TRIM7: variants seen among roughly 807,000 people sequenced by gnomAD.
TRIM7 encodes the protein tripartite motif containing 7, also known as E3 ubiquitin-protein ligase TRIM7.
In TRIM7, 32 loss-of-function variants were observed where a neutral mutation model predicts 37.9. The ratio of observed to expected loss-of-function variants is 0.84; its 90% confidence interval spans 0.64 to 1.13. The LOEUF (loss-of-function observed/expected upper bound fraction) is 1.13. Among genes scored for constraint, TRIM7 ranks in the 50% most tolerant of loss-of-function variants. The probability of loss-of-function intolerance (pLI) is 0.00; values close to 1 mark genes in which losing one functional copy is unlikely to be tolerated. For missense variants in TRIM7, 732 were observed against 714.0 expected (o/e 1.03, Z -0.29); for synonymous variants, 351 against 321.3 (o/e 1.09, Z -0.99).
intron 2 of TRIM7, among the ~76,000 whole-genome samples, chr5:181,201,751 C>A (rs1390437188): frequency 6.6e-6 from 1 of 152,158 alleles, no homozygotes; most frequent in East Asian, 1.9e-4. Context: ...AAAACAACAA[C>A]AAAAACGAAT....
intron 1 of TRIM7, 56 bp from the exon 2 acceptor site, chr5:181,203,696 A>C (rs1337656874): frequency 6.5e-7 from 1 of 1,545,298 alleles, no homozygotes; most frequent in Admixed American, 2.1e-5. Flanking sequence ...GGAAACCCCC[A>C]CCTCTGCCTT....
At position 181,204,778 on chromosome 5, in the gene TRIM7, A is replaced by T. The variant is rs2770944; in HGVS notation, c.333T>A (p.Ala111=). The T allele has an allele frequency of 0.017, 24,391 of 1,427,394 alleles. 1,230 individuals carry two copies. In the African/African-American group the frequency reaches 0.18, roughly 11 times the overall value. The allele number at this position is 1,427,394 out of a possible 1,614,324, so 88.4% of individuals were successfully genotyped here. ...CCTGAGACCCGTGCTCTCCCGGGGC[A>T]GCCGCGGGCAGGCTGAAGCGCCGCA... ...TLLRRFSLPA[A]APGEHGSQAA... The change falls in exon 1 of 7, where the codon GCT becomes GCA. Residue 111 remains alanine (A), a synonymous_variant. Coordinates refer to ENST00000274773, the MANE Select transcript of TRIM7 (RefSeq NM_203293.3).
At chr5:181,199,316 C>G in intron 3 of TRIM7, 199 bp from the exon 4 acceptor site, 1 of 626,548 alleles carries the variant, frequency 1.6e-6, no homozygotes, top group Non-Finnish European at 2.9e-6. Flanking sequence ...CAGTGGACCT[C>G]TCACCCTTTG....
chr5:181,199,885 T>C lies in TRIM7; in HGVS notation c.815A>G (p.Glu272Gly). 1.9e-6 allele frequency: 3 copies of C among 1,614,208 alleles called. No homozygotes were observed. Among genetic ancestry groups the C allele is most frequent in the Non-Finnish European group, 2.5e-6 (3 of 1,180,042 alleles). ...QLSKLSSQIQ[E>G]TAQKPDLDFL... ...GTCAAGGTCAGGCTTTTGAGCTGTCTCCTGGATCTGGCTGCTGAGCTTGGA... is the reference window on the plus strand; with the variant it reads ...GTCAAGGTCAGGCTTTTGAGCTGTCCCCTGGATCTGGCTGCTGAGCTTGGA... Residue 272 changes from glutamate (E) to glycine (G), a missense_variant, in exon 3 of 7, where the codon GAG becomes GGG. Coordinates refer to ENST00000274773, the MANE Select transcript of TRIM7 (RefSeq NM_203293.3).
In TRIM7 at chr5:181,200,002, C is replaced by A; in HGVS notation, c.698G>T (p.Arg233Leu). ...CAGTTCCTCCAGGCGGCCTAGCAGCCGACCCTCCTGCTCCACCAGGAAAGC... is the reference window on the plus strand; with the variant it reads ...CAGTTCCTCCAGGCGGCCTAGCAGCAGACCCTCCTGCTCCACCAGGAAAGC... ...LRAFLVEQEG[R>L]LLGRLEELSR... is the part of the protein sequence containing the mutation. Residue 233 changes from arginine to leucine, a missense_variant, in exon 3 of 7, where the codon CGG becomes CTG. Coordinates refer to ENST00000274773, the MANE Select transcript of TRIM7 (RefSeq NM_203293.3). The A allele has an allele frequency of 1.2e-6, 2 of 1,614,264 alleles. No individual in the cohort carries two copies. The highest frequency in any genetic ancestry group is 1.7e-6 in the Non-Finnish European group (2 of 1,180,048).
chr5:181,203,803 C>A, intron 1 of TRIM7, 163 bp from the exon 2 acceptor site: 1 of 1,377,840 alleles, frequency 7.3e-7, no homozygotes, highest in South Asian at 1.8e-5. Context: ...TGCGAGGTGA[C>A]TCTGAAGGTC....
chr5:181,199,240 C>T (rs1757327195), intron 3 of TRIM7, 123 bp from the exon 4 acceptor site: 1 of 1,169,748 alleles, frequency 8.5e-7, no homozygotes, highest in Non-Finnish European at 1.3e-6. Flanking sequence ...CCACGCCTCA[C>T]TGCCTGCGTG....
chr5:181,205,194 A>AG lies in TRIM7; in HGVS notation c.-85_-84insC. ...ACGCGGAGCTGGGCGCCGAGGGCCC[A>AG]CTGGGAGAGGAAGGGCGGGGCTGCC... On this transcript the variant is annotated 5_prime_UTR_variant, in exon 1 of 7. Transcript: ENST00000274773. The AG allele has an allele frequency of 8.0e-7, 1 of 1,242,638 alleles. No homozygotes were observed. The highest frequency in any genetic ancestry group is 1.0e-6 in the Non-Finnish European group (1 of 983,650). 77.0% of individuals were successfully genotyped at this position (1,242,638 alleles called of 1,614,324 possible).
chr5:181,203,496 C>T, intron 2 of TRIM7, 49 bp downstream of exon 2: 1 of 1,610,732 alleles, frequency 6.2e-7, no homozygotes, highest in Non-Finnish European at 8.5e-7. Context: ...GTGCTGAGTT[C>T]TCAGGCCTCT....
At chr5:181,204,199 G>A in intron 1 of TRIM7, 1 of 1,020,444 alleles carries the variant, frequency 9.8e-7, no homozygotes, top group Non-Finnish European at 1.2e-6. Context: ...CCCGCTTCGG[G>A]GAAAGAGATA....
At position 181,195,522 on chromosome 5, in the gene TRIM7, A is replaced by T. The variant is rs1409462631; in HGVS notation, c.1180T>A (p.Ser394Thr). Residue 394 changes from serine to threonine, a missense_variant, in exon 7 of 7, where the codon TCG becomes ACG. Ser to Thr is a moderately conservative substitution (Grantham distance 58). Coordinates refer to ENST00000274773, the MANE Select transcript of TRIM7 (RefSeq NM_203293.3). ...TRVLASCGFS[S>T]GRHHWEVEVG... Reference sequence around the variant, plus strand: ...TCCACCTCCCAGTGATGCCGGCCCGAGGAGAAGCCGCAGGACGCCAGGACG... The same window carrying T: ...TCCACCTCCCAGTGATGCCGGCCCGTGGAGAAGCCGCAGGACGCCAGGACG... 3 of 1,612,434 alleles carry T rather than the reference A, an allele frequency of 1.9e-6. No individual in the cohort carries two copies. The African/African-American group carries it at 4.0e-5, about 22-fold the overall frequency.
At chr5:181,198,293 A>G in intron 5 of TRIM7, 75 bp from the exon 6 acceptor site, 3 of 1,452,078 alleles carry the variant, frequency 2.1e-6, no homozygotes, top group Non-Finnish European at 2.9e-6. Flanking sequence ...AGCTCTTTAT[A>G]TCCCAACTGA....
At chr5:181,198,014 C>T in intron 6 of TRIM7, 169 bp downstream of exon 6, 2 of 676,540 alleles carry the variant, frequency 3.0e-6, no homozygotes, top group Non-Finnish European at 5.1e-6. Flanking sequence ...TGTCAGAGCT[C>T]CCAGGATGGG....
rs2770940 is a variant in TRIM7, at chr5:181,198,672, T to C, written c.988+18A>G. ...CACCACCGCACTATGTGGCCCAGCT[T>C]GGCGCCCAGGCCCCTACCTTTGAAC... On this transcript the variant is annotated intron_variant, in intron 5 of 6. Coordinates refer to ENST00000274773, the MANE Select transcript of TRIM7 (RefSeq NM_203293.3). The C allele has an allele frequency of 0.11, 171,523 of 1,582,898 alleles. 20,703 individuals carry two copies. Among genetic ancestry groups the C allele is most frequent in the African/African-American group, 0.62 (45,812 of 74,330 alleles).
At chr5:181,201,001 C>T (rs1329794171) in intron 2 of TRIM7, 12 of 802,356 alleles carry the variant, frequency 1.5e-5, no homozygotes, top group Non-Finnish European at 1.8e-5. Flanking sequence ...GGTGCACTTC[C>T]CTTCAAGTCT....
Position 181,204,879 on chromosome 5 carries a change from A to C in TRIM7, c.232T>G (p.Cys78Gly). Residue 78 changes from cysteine (C) to glycine (G), a missense_variant, in exon 1 of 7, where the codon TGT becomes GGT. Coordinates refer to ENST00000274773, the MANE Select transcript of TRIM7 (RefSeq NM_203293.3). ...CGCGCGGGCTCGCGGCACTGCGGAC[A>C]GGGCAGTGGGAAGGGGGGCGCGCGG... ...ATRAPPFPLPCPQCREPARPS... is the reference protein window; with the variant it reads ...ATRAPPFPLPGPQCREPARPS... 6 of 1,352,092 alleles carry C rather than the reference A, an allele frequency of 4.4e-6. No individual in the cohort carries two copies. The highest frequency in any genetic ancestry group is 5.7e-6 in the Non-Finnish European group (6 of 1,061,558). The allele number at this position is 1,352,092 out of a possible 1,614,324, so 83.8% of individuals were successfully genotyped here. A position where few individuals can be genotyped will look rare whatever the true frequency, so the allele number is the denominator to read the frequency against.
chr5:181,201,431 C>T (rs969822115), intron 2 of TRIM7, among the ~76,000 whole-genome samples: 1 of 152,152 alleles, frequency 6.6e-6, no homozygotes, highest in African/African-American at 2.4e-5. Context: ...AGACAAGTGT[C>T]ATAAATCCAG....
chr5:181,204,908 G>A lies in TRIM7; in HGVS notation c.203C>T (p.Ala68Val). 1 of 1,373,352 alleles carries A rather than the reference G, an allele frequency of 7.3e-7. No individual in the cohort carries two copies. Among genetic ancestry groups the A allele is most frequent in the Admixed American group, 3.9e-5 (1 of 25,512 alleles). 85.1% of individuals were successfully genotyped at this position (1,373,352 alleles called of 1,614,324 possible). ...ERPGAGSVGA[A>V]TRAPPFPLPC... is the part of the protein sequence containing the mutation. ...CAGTGGGAAGGGGGGCGCGCGGGTGGCGGCCCCAACAGACCCCGCGCCCGG... is the reference window on the plus strand; with the variant it reads ...CAGTGGGAAGGGGGGCGCGCGGGTGACGGCCCCAACAGACCCCGCGCCCGG... The change falls in exon 1 of 7, where the codon GCC becomes GTC. Residue 68 changes from alanine (A) to valine (V), a missense_variant. Physicochemically the swap from Ala to Val is moderately conservative, Grantham distance 64 (BLOSUM62 0). Coordinates refer to ENST00000274773, the MANE Select transcript of TRIM7 (RefSeq NM_203293.3).
At position 181,195,367 on chromosome 5, in the gene TRIM7, C is replaced by G; in HGVS notation, c.1335G>C (p.Val445=). 1 of 1,579,942 alleles carries G rather than the reference C, an allele frequency of 6.3e-7. No individual in the cohort carries two copies. The highest frequency in any genetic ancestry group is 1.1e-5 in the South Asian group (1 of 87,810). The stretch of plus-strand genomic sequence containing the variant: ...TGAGGGGCGACCGCTCGGGGCTGGT[C>G]ACGGCCCAGTACTGGCCGCCGTTGA... ...LQLNGGQYWA[V]TSPERSPLSC... Residue 445 remains valine (V), a synonymous_variant, in exon 7 of 7, where the codon GTG becomes GTC. Coordinates refer to ENST00000274773, the MANE Select transcript of TRIM7 (RefSeq NM_203293.3).
Sources: allele counts gnomAD v4.1 joint callset (sites outside exome capture counted in the v4.1 genomes callset), GRCh38; gene constraint gnomAD v4.1.1; transcripts MANE v1.5; gene names NCBI Gene and HGNC (gene_info 2026-07-23, HGNC 2026-07-21).